Variants in GNB1 observed in about 807,000 individuals in gnomAD.
GNB1 encodes G protein subunit beta 1.
Under a neutral mutation model 42.9 loss-of-function variants are expected in GNB1, and 2 were observed. That is an observed-to-expected ratio of 0.05 (90% CI 0.02 to 0.15). GNB1 has a LOEUF of 0.15. Ranked by LOEUF, GNB1 falls within the 10% of genes least tolerant of loss-of-function variation. The pLI, the probability that GNB1 is intolerant of heterozygous loss-of-function variation, is 1.00. For synonymous variants in GNB1, 183 were observed against 174.7 expected (o/e 1.05, Z -0.38); for missense variants, 193 against 462.2 (o/e 0.42, Z 5.34).
intron 1 of GNB1, among the ~76,000 whole-genome samples, chr1:1,884,537 A>G (rs777002132): frequency 3.3e-5 from 5 of 151,900 alleles, no homozygotes; most frequent in Non-Finnish European, 7.4e-5. Flanking sequence ...TTTATTAACT[A>G]CAACACTCGG....
chr1:1,837,102 C>T (rs1647161950), intron 2 of GNB1, among the ~76,000 whole-genome samples: 1 of 152,084 alleles, frequency 6.6e-6, no homozygotes, highest in Non-Finnish European at 1.5e-5. Context: ...TTCTAAGGAG[C>T]AGAAGTTTTA....
chr1:1,855,219 GC>G (rs1648208682), intron 1 of GNB1, among the ~76,000 whole-genome samples: 2 of 150,492 alleles, frequency 1.3e-5, no homozygotes, highest in Admixed American at 1.3e-4. Flanking sequence ...TACTTGGGAG[GC>G]TGAGGCAAGA....
chr1:1,811,479 G>C (rs1421513506), intron 5 of GNB1, among the ~76,000 whole-genome samples: 1 of 152,000 alleles, frequency 6.6e-6, no homozygotes, highest in East Asian at 1.9e-4. Context: ...CGGATCACGA[G>C]GTCATGAGAT....
At position 1,889,376 on chromosome 1, in the gene GNB1, G is replaced by A. The variant is rs143613432; in HGVS notation, c.-96+1444C>T. On this transcript the variant is annotated intron_variant, in intron 1 of 11. Coordinates refer to ENST00000378609, the MANE Select transcript of GNB1 (RefSeq NM_002074.5). ...AATGCTCCCCAAAAGAAAACCATAG[G>A]TTACCATTTCTACACTATTTACCCA... Among the ~76,000 whole-genome samples the A allele has an allele frequency of 2.7e-3, 407 of 152,180 alleles. 4 individuals are homozygous for A. Among genetic ancestry groups the A allele is most frequent in the African/African-American group, 8.8e-3 (366 of 41,520 alleles).
chr1:1,797,533 G>A (rs1646563390), intron 7 of GNB1, among the ~76,000 whole-genome samples: 3 of 151,818 alleles, frequency 2.0e-5, no homozygotes, highest in South Asian at 2.1e-4. Flanking sequence ...CCGCCACCCC[G>A]GTTCAGCACT....
chr1:1,863,120 C>G (rs1648723791), intron 1 of GNB1, among the ~76,000 whole-genome samples: 1 of 152,122 alleles, frequency 6.6e-6, no homozygotes, highest in Non-Finnish European at 1.5e-5. Context: ...GTCTGTTCAT[C>G]AGATGAACAC....
At chr1:1,881,467 G>A (rs1479709032) in intron 1 of GNB1, among the ~76,000 whole-genome samples, 1 of 151,414 alleles carries the variant, frequency 6.6e-6, no homozygotes, top group African/African-American at 2.4e-5. Flanking sequence ...AGGCTAGGGT[G>A]ATCTTGGGTC....
chr1:1,797,317 A>G (rs1646559977), intron 7 of GNB1, among the ~76,000 whole-genome samples: 1 of 152,260 alleles, frequency 6.6e-6, no homozygotes, highest in Non-Finnish European at 1.5e-5. Context: ...GAACGACAGT[A>G]TAATACTATA....
chr1:1,842,227 G>T (rs1024534056), intron 1 of GNB1, among the ~76,000 whole-genome samples: 1 of 152,206 alleles, frequency 6.6e-6, no homozygotes, highest in African/African-American at 2.4e-5. Flanking sequence ...TCAGCAGATT[G>T]AGACCATCCT....
chr1:1,791,839 A>G (rs1224778002), intron 8 of GNB1, among the ~76,000 whole-genome samples: 1 of 152,268 alleles, frequency 6.6e-6, no homozygotes, highest in African/African-American at 2.4e-5. Flanking sequence ...CTTTAAAAAT[A>G]TCTTCTAATA....
intron 1 of GNB1, among the ~76,000 whole-genome samples, chr1:1,843,238 G>C (rs139677152): frequency 5.1e-4 from 78 of 151,826 alleles, no homozygotes; most frequent in African/African-American, 1.8e-3. Context: ...TTATTTTTTT[G>C]AGACAGGGTC....
intron 2 of GNB1, among the ~76,000 whole-genome samples, chr1:1,831,733 G>A (rs992067652): frequency 7.3e-5 from 11 of 150,866 alleles, no homozygotes; most frequent in East Asian, 2.0e-4. Flanking sequence ...ACACGCACCC[G>A]GTCACATGTA....
intron 3 of GNB1, 85 bp from the exon 4 acceptor site, chr1:1,817,960 C>A: frequency 9.7e-7 from 1 of 1,035,956 alleles, no homozygotes; most frequent in Non-Finnish European, 1.5e-6. Context: ...TCAAAGAGAG[C>A]TTTCCTAAGC....
intron 1 of GNB1, among the ~76,000 whole-genome samples, chr1:1,851,205 G>GT (rs1453351922): frequency 6.6e-6 from 1 of 152,168 alleles, no homozygotes; most frequent in Non-Finnish European, 1.5e-5. Context: ...GAGGTCGGGA[G>GT]TTTGAGACCA....
At chr1:1,820,387 A>C (rs1430377909) in intron 3 of GNB1, among the ~76,000 whole-genome samples, 1 of 149,630 alleles carries the variant, frequency 6.7e-6, no homozygotes, top group Admixed American at 6.7e-5. Context: ...AAAAGGAACT[A>C]TACTGAGATT....
chr1:1,824,732 C>A (rs772033298), intron 3 of GNB1, among the ~76,000 whole-genome samples: 10 of 151,978 alleles, frequency 6.6e-5, no homozygotes, highest in Non-Finnish European at 1.5e-4. Context: ...ACCACCACAC[C>A]CAGCTAATTT....
chr1:1,855,090 C>G (rs1177634616), intron 1 of GNB1, among the ~76,000 whole-genome samples: 1 of 150,536 alleles, frequency 6.6e-6, no homozygotes, highest in Admixed American at 6.6e-5. Context: ...ACCCTGGAGG[C>G]AAAGGTTACA....
intron 5 of GNB1, among the ~76,000 whole-genome samples, chr1:1,808,314 T>C (rs969255735): frequency 2.6e-5 from 4 of 152,146 alleles, no homozygotes; most frequent in African/African-American, 9.7e-5. Context: ...CCATGAATTT[T>C]TTCATAACTA....
chr1:1,890,732 G>A (rs1158200653), intron 1 of GNB1, 88 bp downstream of exon 1: 5 of 148,236 alleles, frequency 3.4e-5, no homozygotes, highest in Admixed American at 6.7e-5. Context: ...CCCGACCGGC[G>A]GGTGGGGTGG....
Sources: gnomAD v4.1 joint callset for allele counts (sites outside exome capture counted in the v4.1 genomes callset) on GRCh38, gnomAD v4.1.1 for gene constraint, MANE v1.5 for transcripts, NCBI Gene and HGNC (gene_info 2026-07-23, HGNC 2026-07-21) for gene names.